Variants in CYP4X1 observed in about 807,000 individuals in gnomAD.
CYP4X1 encodes the protein cytochrome P450 4X1.
A neutral mutation model predicts 57.9 loss-of-function variants in CYP4X1; 44 were observed. The observed-to-expected ratio is 0.76, with a 90% CI of 0.60 to 0.98. CYP4X1 has a LOEUF of 0.98. Ranked by LOEUF, CYP4X1 falls within the 50% of genes least tolerant of loss-of-function variation. CYP4X1 has a pLI of 0.00. For missense variants in CYP4X1, 532 were observed against 623.9 expected, an observed-to-expected ratio of 0.85 and a Z score of 1.57; for synonymous variants, 227 against 228.6, an observed-to-expected ratio of 0.99 and a Z score of 0.06.
At chr1:46,997,821 A>G in the CYP4X1 span, among the ~76,000 whole-genome samples, 2 of 152,218 alleles carry the variant, frequency 1.3e-5, no homozygotes, top group African/African-American at 2.4e-5. Context: ...TACCTCTAAC[A>G]GTGGATAAGT....
the CYP4X1 span, among the ~76,000 whole-genome samples, chr1:47,014,581 C>T: frequency 6.6e-6 from 1 of 152,224 alleles, no homozygotes; most frequent in Non-Finnish European, 1.5e-5. Context: ...AACATCTCTT[C>T]CCAAGTTTAC....
chr1:47,052,849 T>G (rs1485951806), downstream of CYP4X1, among the ~76,000 whole-genome samples: 1 of 152,196 alleles, frequency 6.6e-6, no homozygotes, highest in African/African-American at 2.4e-5. Context: ...TGTTTATCTT[T>G]GTTTTGTTTT....
the CYP4X1 span, among the ~76,000 whole-genome samples, chr1:47,005,681 C>G: frequency 6.6e-6 from 1 of 152,096 alleles, no homozygotes; most frequent in Non-Finnish European, 1.5e-5. Flanking sequence ...GTTCAGGTAA[C>G]TTAAGTATAA....
intron 1 of CYP4X1, among the ~76,000 whole-genome samples, chr1:47,026,163 C>T (rs557946853): frequency 7.9e-5 from 12 of 152,234 alleles, no homozygotes; most frequent in African/African-American, 2.9e-4. Flanking sequence ...TGAATAACAC[C>T]TACTATTTGA....
At chr1:47,034,405 TG>T (rs1190672878) in intron 4 of CYP4X1, among the ~76,000 whole-genome samples, 1 of 152,224 alleles carries the variant, frequency 6.6e-6, no homozygotes, top group Non-Finnish European at 1.5e-5. Flanking sequence ...ATTTGTACAA[TG>T]GCTTCAATTT....
chr1:47,030,603 A>G (rs759906022), intron 2 of CYP4X1, among the ~76,000 whole-genome samples: 8 of 152,068 alleles, frequency 5.3e-5, no homozygotes, highest in Admixed American at 6.5e-5. Flanking sequence ...CTCTCCACAT[A>G]TTTCTCAACT....
intron 9 of CYP4X1, 45 bp downstream of exon 9, chr1:47,046,645 C>G: frequency 1.2e-6 from 2 of 1,612,976 alleles, no homozygotes; most frequent in Non-Finnish European, 8.5e-7. Flanking sequence ...GCTATGGGAT[C>G]CTGGAGACCA....
At chr1:47,047,619 C>G (rs1341020663) in intron 9 of CYP4X1, among the ~76,000 whole-genome samples, 2 of 152,036 alleles carry the variant, frequency 1.3e-5, no homozygotes, top group Non-Finnish European at 2.9e-5. Context: ...GTTTTCCTCT[C>G]AAGACAGAGT....
At chr1:46,978,372 T>C in the CYP4X1 span, among the ~76,000 whole-genome samples, 1 of 151,852 alleles carries the variant, frequency 6.6e-6, no homozygotes, top group Non-Finnish European at 1.5e-5. Flanking sequence ...GATCAAAAGA[T>C]ACAAAGAAGA....
At chr1:47,015,857 G>A in the CYP4X1 span, among the ~76,000 whole-genome samples, 107 of 152,122 alleles carry the variant, frequency 7.0e-4, no homozygotes, top group African/African-American at 2.4e-3. Flanking sequence ...CCCCGGCCAC[G>A]TGTTTTCTCT....
upstream of CYP4X1, among the ~76,000 whole-genome samples, chr1:47,022,408 A>G (rs888015575): frequency 6.7e-6 from 1 of 148,740 alleles, no homozygotes; most frequent in Non-Finnish European, 1.5e-5. Context: ...CTCCTGCCTC[A>G]GCCTCCTGAG....
At chr1:46,963,909 A>G in the CYP4X1 span, among the ~76,000 whole-genome samples, 25 of 152,308 alleles carry the variant, frequency 1.6e-4, 1 homozygote, top group South Asian at 5.0e-3. Flanking sequence ...GTCTCTTCAC[A>G]TAGTCCCATA....
chr1:47,016,602 A>G, the CYP4X1 span, among the ~76,000 whole-genome samples: 1 of 152,130 alleles, frequency 6.6e-6, no homozygotes, highest in Non-Finnish European at 1.5e-5. Flanking sequence ...CAGCCTCCCA[A>G]AGTGCTGGGA....
At chr1:46,965,040 G>T in the CYP4X1 span, among the ~76,000 whole-genome samples, 1 of 152,226 alleles carries the variant, frequency 6.6e-6, no homozygotes, top group East Asian at 1.9e-4. Context: ...CTCCAAGCCA[G>T]GCACAGGATA....
chr1:46,965,181 A>C, the CYP4X1 span, among the ~76,000 whole-genome samples: 1 of 152,126 alleles, frequency 6.6e-6, no homozygotes, highest in Non-Finnish European at 1.5e-5. Flanking sequence ...GACCCCTTGC[A>C]CTTCCCGGGT....
the CYP4X1 span, among the ~76,000 whole-genome samples, chr1:47,012,297 C>G: frequency 1.3e-5 from 2 of 152,158 alleles, no homozygotes; most frequent in African/African-American, 4.8e-5. Context: ...TCTCAGCAAA[C>G]TATCACAAGG....
chr1:47,029,286 AAACAATT>A (rs1413620677), intron 1 of CYP4X1, among the ~76,000 whole-genome samples: 2 of 152,220 alleles, frequency 1.3e-5, no homozygotes, highest in Non-Finnish European at 2.9e-5. Context: ...TGATTTAGAG[AAACAATT>A]TAAGTGAGCC....
chr1:46,996,367 T>G, the CYP4X1 span, among the ~76,000 whole-genome samples: 2 of 152,232 alleles, frequency 1.3e-5, no homozygotes, highest in East Asian at 3.9e-4. Context: ...CCAGGTGACA[T>G]TTCATGTTTG....
chr1:47,015,781 G>C, the CYP4X1 span, among the ~76,000 whole-genome samples: 1 of 152,062 alleles, frequency 6.6e-6, no homozygotes, highest in African/African-American at 2.4e-5. Context: ...TATCTATGAA[G>C]TTTCTGTACC....
Sources: allele counts gnomAD v4.1 joint callset (sites outside exome capture counted in the v4.1 genomes callset), GRCh38; gene constraint gnomAD v4.1.1; transcripts MANE v1.5; gene names NCBI Gene and HGNC (gene_info 2026-07-23, HGNC 2026-07-21).